PLPP3: variants seen among roughly 807,000 people sequenced by gnomAD.
PLPP3 encodes phospholipid phosphatase 3, also known as PAP2 beta.
Under a neutral mutation model 29.6 loss-of-function variants are expected in PLPP3, and 6 were observed. That is an observed-to-expected ratio of 0.20 (90% CI 0.11 to 0.40). The LOEUF is 0.40. Among genes scored for constraint, PLPP3 ranks in the 10% least tolerant of loss-of-function variants. PLPP3 has a pLI of 1.00. For missense variants in PLPP3, 308 were observed against 407.7 expected (o/e 0.76, Z 2.11); for synonymous variants, 152 against 159.7 (o/e 0.95, Z 0.36).
At chr1:56,526,260 A>C (rs1488164942) in intron 2 of PLPP3, among the ~76,000 whole-genome samples, 1 of 152,166 alleles carries the variant, frequency 6.6e-6, no homozygotes, top group Non-Finnish European at 1.5e-5. Context: ...GCCTTATTAC[A>C]AAATTGGAAG....
At chr1:56,565,459 T>A (rs1646155732) in intron 1 of PLPP3, among the ~76,000 whole-genome samples, 1 of 152,060 alleles carries the variant, frequency 6.6e-6, no homozygotes, top group South Asian at 2.1e-4. Context: ...CTCCCTCTGT[T>A]GCCCAGACTG....
At chr1:56,558,702 G>C (rs1323123629) in intron 1 of PLPP3, among the ~76,000 whole-genome samples, 1 of 152,176 alleles carries the variant, frequency 6.6e-6, no homozygotes, top group Non-Finnish European at 1.5e-5. Flanking sequence ...TACAACACTT[G>C]ATCCAGGTTA....
intron 1 of PLPP3, among the ~76,000 whole-genome samples, chr1:56,576,572 T>C (rs544999376): frequency 1.3e-5 from 2 of 152,314 alleles, no homozygotes; most frequent in Admixed American, 1.3e-4. Flanking sequence ...GATCAATAAG[T>C]CACTTTGAAA....
chr1:56,518,715 T>TATATATATATATATATATATA (rs1645798825), intron 4 of PLPP3, among the ~76,000 whole-genome samples: 2 of 126,668 alleles, frequency 1.6e-5, no homozygotes, highest in Admixed American at 8.0e-5. Flanking sequence ...TTTTAATCAT[T>TATATATATATATATATATATA]TATATATATA....
intron 1 of PLPP3, among the ~76,000 whole-genome samples, chr1:56,558,683 C>G (rs1777280): frequency 0.84 from 127,733 of 152,188 alleles, 54,157 homozygotes; most frequent in Non-Finnish European, 0.9. Flanking sequence ...TGAGGAAACT[C>G]AAGTTTACTA....
At chr1:56,572,401 A>T (rs989070524) in intron 1 of PLPP3, among the ~76,000 whole-genome samples, 2 of 152,040 alleles carry the variant, frequency 1.3e-5, no homozygotes, top group South Asian at 4.1e-4. Context: ...GACAGGAATG[A>T]CCCAAGTGAG....
intron 1 of PLPP3, among the ~76,000 whole-genome samples, chr1:56,568,387 C>A (rs1202921531): frequency 6.6e-6 from 1 of 152,074 alleles, no homozygotes; most frequent in Non-Finnish European, 1.5e-5. Context: ...TTTCTCTAAG[C>A]CAAGAGGATT....
At chr1:56,518,134 G>C (rs1320351035) in intron 4 of PLPP3, among the ~76,000 whole-genome samples, 2 of 152,176 alleles carry the variant, frequency 1.3e-5, no homozygotes, top group Non-Finnish European at 2.9e-5. Context: ...GGTGGGGTGA[G>C]TGAATGATAT....
chr1:56,542,358 C>T (rs1645976622), intron 1 of PLPP3, among the ~76,000 whole-genome samples: 1 of 152,164 alleles, frequency 6.6e-6, no homozygotes, highest in Non-Finnish European at 1.5e-5. Flanking sequence ...CACAGTTCAC[C>T]TTTGCACAAA....
intron 1 of PLPP3, among the ~76,000 whole-genome samples, chr1:56,542,647 C>T (rs1198575411): frequency 2.6e-5 from 4 of 152,134 alleles, no homozygotes; most frequent in Non-Finnish European, 4.4e-5. Context: ...AAAGCCTACA[C>T]ATCTATCCAC....
chr1:56,524,363 G>T lies in PLPP3; in HGVS notation c.489C>A (p.Asn163Lys). 1 of 1,614,080 alleles carries T rather than the reference G, an allele frequency of 6.2e-7. No homozygotes were observed. Among genetic ancestry groups the T allele is most frequent in the Non-Finnish European group, 8.5e-7 (1 of 1,179,954 alleles). Residue 163 changes from asparagine (N) to lysine (K), a missense_variant, in exon 3 of 6, where the codon AAC becomes AAA. This residue lies in a region of PLPP3 where 232 missense variants were observed against 317.2 expected (regional missense o/e 0.73). Coordinates refer to ENST00000371250, the MANE Select transcript of PLPP3 (RefSeq NM_003713.5). The surrounding 1 kb of genome is among the most constrained non-coding windows in gnomAD (Gnocchi z 4.3). ...AGCAGTTGATCTGGCTGAAATCAGG[G>T]TTGCAGACACTCAAGAAGTGAGGAC... is the stretch of plus-strand genomic sequence containing the variant. ...RLRPHFLSVC[N>K]PDFSQINCSE...
At chr1:56,558,376 A>G (rs1184797567) in intron 1 of PLPP3, among the ~76,000 whole-genome samples, 1 of 152,226 alleles carries the variant, frequency 6.6e-6, no homozygotes, top group African/African-American at 2.4e-5. Flanking sequence ...CACAAATGGA[A>G]AGGTAGCTCC....
intron 5 of PLPP3, among the ~76,000 whole-genome samples, chr1:56,506,952 T>C (rs1231450946): frequency 6.6e-6 from 1 of 152,222 alleles, no homozygotes; most frequent in Admixed American, 6.5e-5. Context: ...CAGGCAGGCC[T>C]ATCCGACCCT....
At chr1:56,547,121 T>C (rs1257644947) in intron 1 of PLPP3, among the ~76,000 whole-genome samples, 1 of 152,220 alleles carries the variant, frequency 6.6e-6, no homozygotes, top group African/African-American at 2.4e-5. Context: ...TAATGTCATT[T>C]GTTTTCATTT....
chr1:56,499,650 G>C (rs1645653427), intron 5 of PLPP3, among the ~76,000 whole-genome samples: 1 of 152,176 alleles, frequency 6.6e-6, no homozygotes, highest in African/African-American at 2.4e-5. Context: ...GTCAGGTCCA[G>C]CAGAATCCCA....
intron 1 of PLPP3, among the ~76,000 whole-genome samples, chr1:56,570,002 G>C (rs1362903454): frequency 2.0e-5 from 3 of 152,122 alleles, no homozygotes; most frequent in Non-Finnish European, 4.4e-5. Context: ...AGGCTCCAAA[G>C]TCATCACTTA....
chr1:56,538,978 G>A, intron 1 of PLPP3: 1 of 61,742 alleles, frequency 1.6e-5, no homozygotes, highest in African/African-American at 8.4e-5. Context: ...AAAACACAGT[G>A]GATAATACAG....
chr1:56,506,740 G>T (rs924685268), intron 5 of PLPP3, among the ~76,000 whole-genome samples: 4 of 152,178 alleles, frequency 2.6e-5, no homozygotes, highest in African/African-American at 9.7e-5. Flanking sequence ...CACATCTTTG[G>T]TAGGGGTAAC....
At chr1:56,507,056 T>A (rs1645706742) in intron 5 of PLPP3, among the ~76,000 whole-genome samples, 1 of 152,170 alleles carries the variant, frequency 6.6e-6, no homozygotes, top group Non-Finnish European at 1.5e-5. Context: ...AAGCATTCAA[T>A]TAGTAAGCAA....
Sources: gnomAD v4.1 joint callset for allele counts (sites outside exome capture counted in the v4.1 genomes callset) on GRCh38, gnomAD v4.1.1 for gene constraint, gnomAD v4.1.1 regional missense constraint, Gnocchi (gnomAD v3.1) non-coding constraint, MANE v1.5 for transcripts, NCBI Gene and HGNC (gene_info 2026-07-23, HGNC 2026-07-21) for gene names.